The following FRY variants were observed in gnomAD, a reference collection of about 807,000 sequenced individuals.
FRY encodes protein furry homolog.
A neutral mutation model predicts 348.4 loss-of-function variants in FRY; 128 were observed. The ratio of observed to expected loss-of-function variants is 0.37; its 90% CI spans 0.32 to 0.43. The LOEUF (loss-of-function observed/expected upper bound fraction) is 0.43, where lower values mean the gene tolerates loss of function less well. Among genes scored for constraint, FRY ranks in the 20% least tolerant of loss-of-function variants. FRY has a pLI of 1.00. For missense variants in FRY, 2,736 were observed against 3,695.2 expected, an observed-to-expected ratio of 0.74 and a Z score of 6.73; for synonymous variants, 1,370 against 1,374.7, an observed-to-expected ratio of 1.00 and a Z score of 0.08.
chr13:32,240,857 A>C (rs1886461667), intron 46 of FRY, among the ~76,000 whole-genome samples: 2 of 152,228 alleles, frequency 1.3e-5, no homozygotes, highest in African/African-American at 4.8e-5. Flanking sequence ...GTTAAAAATC[A>C]GCCATTTTCT....
intron 58 of FRY, 174 bp downstream of exon 58, chr13:32,278,722 A>C (rs1423728563): frequency 1.4e-6 from 1 of 724,378 alleles, no homozygotes; most frequent in Non-Finnish European, 2.6e-6. Context: ...CTGTGTGTTG[A>C]TGGGATTTGT....
intron 58 of FRY, among the ~76,000 whole-genome samples, chr13:32,286,297 T>A (rs969940680): frequency 5.9e-5 from 9 of 152,194 alleles, no homozygotes; most frequent in African/African-American, 2.2e-4. Flanking sequence ...TGTTAGGTCC[T>A]TAAATATTTT....
At chr13:32,287,885 G>T (rs1889154948) in intron 58 of FRY, 1 of 1,350,724 alleles carries the variant, frequency 7.4e-7, no homozygotes, top group Non-Finnish European at 9.9e-7. Context: ...ATCTCTTGCA[G>T]TAAGTTAACT....
intron 1 of FRY, among the ~76,000 whole-genome samples, chr13:32,058,391 TATTA>T (rs1873757029): frequency 6.6e-6 from 1 of 152,226 alleles, no homozygotes; most frequent in Admixed American, 6.5e-5. Flanking sequence ...CATCAGTAAA[TATTA>T]ATTATTAGAG....
At chr13:32,076,171 G>A (rs1875041125) in intron 1 of FRY, among the ~76,000 whole-genome samples, 1 of 152,140 alleles carries the variant, frequency 6.6e-6, no homozygotes, top group Non-Finnish European at 1.5e-5. Flanking sequence ...TGTTTTCACT[G>A]TAGTTAAGAC....
chr13:32,292,826 A>AAAT (rs1488225426), intron 59 of FRY, among the ~76,000 whole-genome samples: 1 of 151,434 alleles, frequency 6.6e-6, no homozygotes. Context: ...ATAAATAAAT[A>AAAT]AAGCAAACTT....
chr13:32,093,023 T>C (rs916488243), intron 2 of FRY, among the ~76,000 whole-genome samples: 8 of 152,212 alleles, frequency 5.3e-5, no homozygotes, highest in African/African-American at 1.9e-4. Flanking sequence ...CGTAAACATA[T>C]GCAAACAGAA....
intron 2 of FRY, among the ~76,000 whole-genome samples, chr13:32,083,496 TG>T (rs1317850572): frequency 6.6e-6 from 1 of 152,196 alleles, no homozygotes; most frequent in African/African-American, 2.4e-5. Flanking sequence ...TGAAATTTTT[TG>T]TTGTGAATTC....
intron 50 of FRY, among the ~76,000 whole-genome samples, chr13:32,253,606 G>T: frequency 6.6e-6 from 1 of 152,094 alleles, no homozygotes; most frequent in Middle Eastern, 3.2e-3. Flanking sequence ...ACATACTAAA[G>T]ATTTTAATAG....
At chr13:32,171,530 T>G (rs2138213013) in intron 18 of FRY, among the ~76,000 whole-genome samples, 1 of 152,118 alleles carries the variant, frequency 6.6e-6, no homozygotes, top group Non-Finnish European at 1.5e-5. Flanking sequence ...CAGGCTGGTC[T>G]CGAACTCCCA....
chr13:32,202,881 A>G (rs887365666), intron 31 of FRY, among the ~76,000 whole-genome samples: 10 of 151,694 alleles, frequency 6.6e-5, no homozygotes, highest in Non-Finnish European at 1.3e-4. Context: ...CCCAGGAGGC[A>G]GAGTTTGCAG....
chr13:32,046,680 A>G (rs1873030531), intron 1 of FRY, among the ~76,000 whole-genome samples: 1 of 152,236 alleles, frequency 6.6e-6, no homozygotes, highest in Non-Finnish European at 1.5e-5. Flanking sequence ...TTGTGTTTCC[A>G]TGTAAGGAGA....
chr13:32,097,447 C>CA (rs572584190), intron 2 of FRY, among the ~76,000 whole-genome samples: 14 of 150,734 alleles, frequency 9.3e-5, no homozygotes, highest in Non-Finnish European at 1.8e-4. Context: ...CTGCAACCTC[C>CA]ACCTCCTGGT....
In FRY at chr13:32,122,416, T is replaced by G. The variant is rs772212433; in HGVS notation, c.465-1870T>G. On this transcript the variant is annotated intron_variant, in intron 4 of 60. Coordinates refer to ENST00000542859, the MANE Select transcript of FRY (RefSeq NM_023037.3). ...AAGATGGCACCACTGCACTCCAGCC[T>G]GGACGACAGAGTGAGACTCCGCCTC... 4.1e-4 allele frequency among the ~76,000 whole-genome samples: 60 copies of G among 147,848 alleles called. 2 individuals are homozygous for G. Among genetic ancestry groups the G allele is most frequent in the Non-Finnish European group, 3.0e-4 (20 of 67,450 alleles).
intron 20 of FRY, among the ~76,000 whole-genome samples, chr13:32,176,922 G>A (rs1235713833): frequency 6.6e-6 from 1 of 152,162 alleles, no homozygotes; most frequent in Non-Finnish European, 1.5e-5. Flanking sequence ...AGAGATTCTG[G>A]GATGTTCAGT....
intron 3 of FRY, among the ~76,000 whole-genome samples, chr13:32,105,964 T>G (rs1051504913): frequency 6.6e-6 from 1 of 151,418 alleles, no homozygotes; most frequent in African/African-American, 2.4e-5. Flanking sequence ...TGTAATACTT[T>G]ATAGTTTACC....
At position 32,062,560 on chromosome 13, in the gene FRY, G is replaced by A. The variant is rs546106136; in HGVS notation, c.71-16274G>A. Among the ~76,000 whole-genome samples, 7 of 152,160 alleles carry A rather than the reference G, an allele frequency of 4.6e-5. No homozygotes were observed. In the South Asian group the frequency reaches 1.2e-3, roughly 27 times the overall value. ...TTACCATCTTAGATTATAAATTTCT[G>A]GTGAGCATGTATTAAGTGAATTTTA... On this transcript the variant is annotated intron_variant, in intron 1 of 60. Transcript: ENST00000542859.
chr13:32,164,795 G>A lies in FRY; in HGVS notation c.1892+3544G>A, dbSNP rs115225709. On this transcript the variant is annotated intron_variant, in intron 17 of 60. Coordinates refer to ENST00000542859, the MANE Select transcript of FRY (RefSeq NM_023037.3). ...TAGAAAGGGCAGCTGTCTCCCCTTGGCAGCCGCCATCTTTTTCTCTCGTTC... is the reference window on the plus strand; with the variant it reads ...TAGAAAGGGCAGCTGTCTCCCCTTGACAGCCGCCATCTTTTTCTCTCGTTC... Among the ~76,000 whole-genome samples, 1,030 of 152,226 alleles carry A rather than the reference G, an allele frequency of 6.8e-3. 9 individuals are homozygous for A. The highest frequency in any genetic ancestry group is 0.022 in the African/African-American group (916 of 41,520).
At chr13:32,182,904 G>A (rs1451240077) in intron 23 of FRY, 73 bp from the exon 24 acceptor site, 2 of 895,350 alleles carry the variant, frequency 2.2e-6, no homozygotes, top group Non-Finnish European at 3.7e-6. Context: ...GGGATTAAAT[G>A]GATATAGAGT....
Sources: allele counts gnomAD v4.1 joint callset (sites outside exome capture counted in the v4.1 genomes callset), GRCh38; gene constraint gnomAD v4.1.1; transcripts MANE v1.5; gene names NCBI Gene and HGNC (gene_info 2026-07-23, HGNC 2026-07-21).